The following SEPTIN2 variants were observed in gnomAD, a reference collection of about 807,000 sequenced individuals.
SEPTIN2 encodes septin 2.
Under a neutral mutation model 46.5 loss-of-function variants are expected in SEPTIN2, and 34 were observed. The ratio of observed to expected loss-of-function variants is 0.73; its 90% CI spans 0.56 to 0.97. The LOEUF (loss-of-function observed/expected upper bound fraction) is 0.97, where lower values mean the gene tolerates loss of function less well. Ranked by LOEUF, SEPTIN2 falls within the 50% of genes least tolerant of loss-of-function variation. The pLI, the probability that SEPTIN2 is intolerant of heterozygous loss-of-function variation, is 0.00. For synonymous variants in SEPTIN2, 175 were observed against 153.4 expected (o/e 1.14, Z -1.04); for missense variants, 347 against 448.4 (o/e 0.77, Z 2.04).
intron 8 of SEPTIN2, 134 bp downstream of exon 8, chr2:241,343,227 A>C (rs778319549): frequency 4.8e-6 from 3 of 619,276 alleles, no homozygotes; most frequent in Non-Finnish European, 8.7e-6. Context: ...GACCTCATGC[A>C]GTGGCTCATG....
At chr2:241,348,327 A>G (rs555116889) in intron 11 of SEPTIN2, 136 bp downstream of exon 11, 383 of 507,932 alleles carry the variant, frequency 7.5e-4, no homozygotes, top group Non-Finnish European at 1.2e-3. Flanking sequence ...TCCCGGGTTC[A>G]AGTGATTCTC....
chr2:241,333,628 C>T (rs1345405188), intron 3 of SEPTIN2, among the ~76,000 whole-genome samples: 3 of 124,306 alleles, frequency 2.4e-5, no homozygotes, highest in Non-Finnish European at 5.4e-5. Flanking sequence ...TCCTGCCTCC[C>T]GAGTAGCTGG....
At chr2:241,349,227 T>C (rs2150213463) in intron 11 of SEPTIN2, among the ~76,000 whole-genome samples, 1 of 151,914 alleles carries the variant, frequency 6.6e-6, no homozygotes, top group South Asian at 2.1e-4. Context: ...TAATTAGCCA[T>C]GCATGTCGGC....
chr2:241,322,086 G>C (rs1407272319), intron 1 of SEPTIN2, among the ~76,000 whole-genome samples: 1 of 152,146 alleles, frequency 6.6e-6, no homozygotes, highest in Non-Finnish European at 1.5e-5. Flanking sequence ...AAGTAGCTGG[G>C]AACATTTCCA....
chr2:241,327,421 A>G (rs927497513), intron 3 of SEPTIN2, among the ~76,000 whole-genome samples: 5 of 152,026 alleles, frequency 3.3e-5, no homozygotes, highest in South Asian at 4.1e-4. Context: ...CTGGAAAAAA[A>G]AAAGAAATTG....
At chr2:241,322,881 G>A (rs1292036188) in intron 1 of SEPTIN2, among the ~76,000 whole-genome samples, 1 of 152,024 alleles carries the variant, frequency 6.6e-6, no homozygotes, top group Admixed American at 6.6e-5. Flanking sequence ...AATTCCAGAG[G>A]TCAGGGAAGT....
intron 3 of SEPTIN2, among the ~76,000 whole-genome samples, chr2:241,329,884 A>G (rs2078698163): frequency 6.6e-6 from 1 of 152,252 alleles, no homozygotes; most frequent in South Asian, 2.1e-4. Flanking sequence ...CTATGACCTA[A>G]TGCTTGCTTG....
chr2:241,317,286 A>C (rs968026031), intron 1 of SEPTIN2, among the ~76,000 whole-genome samples: 4 of 152,188 alleles, frequency 2.6e-5, no homozygotes, highest in Admixed American at 2.6e-4. Flanking sequence ...CTCATTAGCT[A>C]TAAAGGTTGT....
At chr2:241,334,569 T>C (rs531153336) in intron 3 of SEPTIN2, among the ~76,000 whole-genome samples, 2 of 152,108 alleles carry the variant, frequency 1.3e-5, no homozygotes, top group East Asian at 3.9e-4. Context: ...GAAACGGGGA[T>C]GGATTTAAAG....
Position 241,341,111 on chromosome 2 carries a change from T to C in SEPTIN2, c.595-1881T>C, listed in dbSNP as rs139772109. 5.1e-3 allele frequency among the ~76,000 whole-genome samples: 778 copies of C among 152,350 alleles called. 5 individuals carry two copies. Among genetic ancestry groups the C allele is most frequent in the African/African-American group, 0.018 (733 of 41,584 alleles). ...TGTGTTTGCTTTTCTATCTGCTGTT[T>C]TTTACCACCTTCCTTCCTGATCCCT... On this transcript the variant is annotated intron_variant, in intron 7 of 12. Transcript: ENST00000391971.
intron 1 of SEPTIN2, among the ~76,000 whole-genome samples, chr2:241,320,796 CAAAAAG>C (rs2077008540): frequency 6.6e-6 from 1 of 152,138 alleles, no homozygotes; most frequent in African/African-American, 2.4e-5. Context: ...TCTCAAAAAA[CAAAAAG>C]AAAACCAGCT....
At chr2:241,324,968 G>GT (rs34675314) in intron 2 of SEPTIN2, 60,813 of 148,770 alleles carry the variant, frequency 0.41, 12,683 homozygotes, top group East Asian at 0.66. Context: ...TATTATTTCT[G>GT]TTTTTTTTTT....
At chr2:241,333,996 A>G (rs2079476944) in intron 3 of SEPTIN2, among the ~76,000 whole-genome samples, 1 of 152,096 alleles carries the variant, frequency 6.6e-6, no homozygotes, top group African/African-American at 2.4e-5. Flanking sequence ...GACTCTAGGT[A>G]CAAGCCACAA....
intron 9 of SEPTIN2, among the ~76,000 whole-genome samples, chr2:241,345,629 A>T (rs559967733): frequency 4.6e-5 from 7 of 152,356 alleles, no homozygotes; most frequent in African/African-American, 1.7e-4. Context: ...GCTTCATAAG[A>T]TGAATGGAAG....
intron 1 of SEPTIN2, among the ~76,000 whole-genome samples, chr2:241,323,319 C>A (rs147949925): frequency 2.0e-4 from 31 of 152,126 alleles, no homozygotes; most frequent in African/African-American, 6.8e-4. Flanking sequence ...CACAGGCACG[C>A]ACCACCACGC....
At chr2:241,327,485 T>A (rs2078186023) in intron 3 of SEPTIN2, among the ~76,000 whole-genome samples, 1 of 145,996 alleles carries the variant, frequency 6.8e-6, no homozygotes. Flanking sequence ...ATATGGATTA[T>A]ATTCACAGAG....
At chr2:241,327,509 A>C (rs1434594618) in intron 3 of SEPTIN2, among the ~76,000 whole-genome samples, 1 of 77,150 alleles carries the variant, frequency 1.3e-5, no homozygotes, top group Admixed American at 1.2e-4. Flanking sequence ...ACAGGAAAGC[A>C]AAAAAAAAAA....
In SEPTIN2 at chr2:241,316,213, C is replaced by T. The variant is rs186026676; in HGVS notation, c.-18+231C>T. On this transcript the variant is annotated intron_variant, in intron 1 of 12. Transcript: ENST00000391971. ...CGACAGTGGCTCCGACACGGGCAGG[C>T]CCGGGCGCGGGAGTGGGGATTCCGG... 2.2e-3 allele frequency: 724 copies of T among 331,756 alleles called. 5 individuals carry two copies. Among genetic ancestry groups the T allele is most frequent in the African/African-American group, 0.014 (648 of 46,850 alleles). The allele number at this position is 331,756 out of a possible 1,614,324, so 20.6% of individuals were successfully genotyped here.
chr2:241,350,256 C>A, intron 12 of SEPTIN2, 53 bp downstream of exon 12: 1 of 833,180 alleles, frequency 1.2e-6, no homozygotes, highest in Non-Finnish European at 1.8e-6. Flanking sequence ...AACATTGTGT[C>A]AGCTTAAATA....
Sources: allele counts gnomAD v4.1 joint callset (sites outside exome capture counted in the v4.1 genomes callset), GRCh38; gene constraint gnomAD v4.1.1; transcripts MANE v1.5; gene names NCBI Gene and HGNC (gene_info 2026-07-23, HGNC 2026-07-21).